The following ASIC2 variants were observed in gnomAD, a reference collection of about 807,000 sequenced individuals.
ASIC2 encodes the protein acid sensing ion channel subunit 2.
In ASIC2, 25 loss-of-function variants were observed where a neutral mutation model predicts 57.3. The observed-to-expected ratio is 0.44, with a 90% CI of 0.32 to 0.61. The LOEUF is 0.61. Among genes scored for constraint, ASIC2 ranks in the 20% least tolerant of loss-of-function variants. ASIC2 has a pLI of 0.06. For synonymous variants in ASIC2, 319 were observed against 307.5 expected (o/e 1.04, Z -0.39); for missense variants, 641 against 738.1 (o/e 0.87, Z 1.52).
At chr17:33,491,175 C>A (rs142794696) in intron 1 of ASIC2, among the ~76,000 whole-genome samples, 296 of 152,278 alleles carry the variant, frequency 1.9e-3, no homozygotes, top group African/African-American at 6.6e-3. Context: ...TTGCAATTCC[C>A]ACACCCACAG....
At chr17:33,711,869 T>C (rs1909047108) in intron 1 of ASIC2, among the ~76,000 whole-genome samples, 1 of 152,148 alleles carries the variant, frequency 6.6e-6, no homozygotes, top group African/African-American at 2.4e-5. Flanking sequence ...TCAAATCATA[T>C]CAGTCCTCTT....
intron 1 of ASIC2, among the ~76,000 whole-genome samples, chr17:33,494,999 G>C (rs1479324080): frequency 6.6e-6 from 1 of 152,168 alleles, no homozygotes. Context: ...AAGTCTGACT[G>C]TGCATCAGAA....
intron 1 of ASIC2, among the ~76,000 whole-genome samples, chr17:33,703,433 A>G (rs1474815052): frequency 1.3e-5 from 2 of 151,636 alleles, no homozygotes; most frequent in South Asian, 2.1e-4. Flanking sequence ...GCTTACTGCA[A>G]CCTCTGCCTC....
chr17:34,101,253 A>G (rs1567822489), intron 1 of ASIC2, among the ~76,000 whole-genome samples: 2 of 152,194 alleles, frequency 1.3e-5, no homozygotes, highest in African/African-American at 4.8e-5. Flanking sequence ...AGACACATAC[A>G]TATACAAGGC....
chr17:34,109,453 T>C (rs1045354125), intron 1 of ASIC2, among the ~76,000 whole-genome samples: 1 of 152,170 alleles, frequency 6.6e-6, no homozygotes, highest in Non-Finnish European at 1.5e-5. Flanking sequence ...CAAAGGTAAG[T>C]GTACAATTCC....
intron 1 of ASIC2, among the ~76,000 whole-genome samples, chr17:33,869,228 G>A (rs1265336021): frequency 1.3e-5 from 2 of 152,120 alleles, no homozygotes; most frequent in African/African-American, 4.8e-5. Flanking sequence ...ACAACCTCTA[G>A]AATAGCTATA....
intron 1 of ASIC2, chr17:34,155,788 C>T: frequency 6.3e-6 from 4 of 630,676 alleles, no homozygotes; most frequent in Non-Finnish European, 1.1e-5. Flanking sequence ...CAGCAGTGCT[C>T]TATCCTGGCC....
At chr17:33,410,829 G>A (rs890226841) in intron 1 of ASIC2, among the ~76,000 whole-genome samples, 4 of 152,192 alleles carry the variant, frequency 2.6e-5, no homozygotes, top group African/African-American at 9.7e-5. Context: ...TTGTGGGATG[G>A]GGATGGTTTT....
At chr17:34,002,605 G>A (rs1318065791) in intron 1 of ASIC2, 1 of 152,180 alleles carries the variant, frequency 6.6e-6, no homozygotes, top group African/African-American at 2.4e-5. Context: ...TGATCTCCAA[G>A]ATTCTATATT....
intron 1 of ASIC2, among the ~76,000 whole-genome samples, chr17:34,064,379 AG>A (rs1307642926): frequency 6.6e-6 from 1 of 152,212 alleles, no homozygotes; most frequent in African/African-American, 2.4e-5. Context: ...AATCAACTCA[AG>A]TTGGATTAAG....
At chr17:33,966,718 GA>G (rs1228769755) in intron 1 of ASIC2, among the ~76,000 whole-genome samples, 1 of 152,198 alleles carries the variant, frequency 6.6e-6, no homozygotes, top group South Asian at 2.1e-4. Flanking sequence ...TCTTCTGCAG[GA>G]ATGCTGCTTC....
At chr17:34,079,236 A>T (rs945479635) in intron 1 of ASIC2, 1 of 152,284 alleles carries the variant, frequency 6.6e-6, no homozygotes, top group Non-Finnish European at 1.5e-5. Flanking sequence ...CATGGAATGC[A>T]GGCTCCATCA....
intron 1 of ASIC2, among the ~76,000 whole-genome samples, chr17:34,132,626 T>C (rs994253526): frequency 2.0e-5 from 3 of 152,082 alleles, no homozygotes; most frequent in Non-Finnish European, 4.4e-5. Flanking sequence ...TGGTGTGTTT[T>C]ACAGAGTGCT....
At chr17:33,419,894 G>C (rs1467049313) in intron 1 of ASIC2, among the ~76,000 whole-genome samples, 3 of 152,110 alleles carry the variant, frequency 2.0e-5, no homozygotes, top group Non-Finnish European at 4.4e-5. Context: ...AGACAGTGTG[G>C]TTCCATTTGT....
chr17:33,297,176 AC>A (rs1905752186), upstream of ASIC2, among the ~76,000 whole-genome samples: 2 of 152,156 alleles, frequency 1.3e-5, 1 homozygote, highest in South Asian at 4.1e-4. Flanking sequence ...AGTCCTCAAG[AC>A]CATCCTTTCT....
At chr17:33,364,586 C>T (rs1184249200) in intron 1 of ASIC2, among the ~76,000 whole-genome samples, 4 of 151,990 alleles carry the variant, frequency 2.6e-5, no homozygotes, top group Non-Finnish European at 5.9e-5. Context: ...TGCAGCACTT[C>T]CCCCTTCTCT....
intron 1 of ASIC2, among the ~76,000 whole-genome samples, chr17:33,755,765 C>T (rs548693920): frequency 4.6e-5 from 7 of 152,068 alleles, no homozygotes; most frequent in Admixed American, 2.0e-4. Flanking sequence ...AACATAAACA[C>T]GCAGGATACA....
At position 33,772,882 on chromosome 17, in the gene ASIC2, C is replaced by T. The variant is rs562494135; in HGVS notation, c.555+383096G>A. On this transcript the variant is annotated intron_variant, in intron 1 of 9. Coordinates refer to the ASIC2 transcript ENST00000359872. ...TATAACATGTTCTTCATTTGAAAAC[C>T]GGATACTTCCCAAAGAATGAGTTTG... 2.6e-5 allele frequency among the ~76,000 whole-genome samples: 4 copies of T among 152,230 alleles called. No individual in the cohort carries two copies. The South Asian group carries it at 6.2e-4, about 24-fold the overall frequency.
intron 1 of ASIC2, among the ~76,000 whole-genome samples, chr17:33,725,071 C>T (rs1316953753): frequency 6.6e-6 from 1 of 152,212 alleles, no homozygotes; most frequent in East Asian, 1.9e-4. Flanking sequence ...TCGCTCTGCC[C>T]TCTGTCACGG....
Sources: gnomAD v4.1 joint callset for allele counts (sites outside exome capture counted in the v4.1 genomes callset) on GRCh38, gnomAD v4.1.1 for gene constraint, MANE v1.5 for transcripts, NCBI Gene and HGNC (gene_info 2026-07-23, HGNC 2026-07-21) for gene names.